The following FNBP1L variants were observed in gnomAD, a reference collection of about 807,000 sequenced individuals.
The protein encoded by FNBP1L is formin binding protein 1 like.
FNBP1L carries 36 observed loss-of-function variants against 91.2 expected under a neutral mutation model. That is an observed-to-expected ratio of 0.39 (90% CI 0.30 to 0.52). The LOEUF (loss-of-function observed/expected upper bound fraction) is 0.52, where lower values mean the gene tolerates loss of function less well. Among genes scored for constraint, FNBP1L ranks in the 20% least tolerant of loss-of-function variants. FNBP1L has a pLI of 0.66. For missense variants in FNBP1L, 571 were observed against 732.1 expected, an observed-to-expected ratio of 0.78 and a Z score of 2.54; for synonymous variants, 242 against 237.0, an observed-to-expected ratio of 1.02 and a Z score of -0.19.
In FNBP1L at chr1:93,523,344, G is replaced by A. The variant is rs372922817; in HGVS notation, c.195G>A (p.Arg65=). 2.5e-6 allele frequency: 4 copies of A among 1,598,678 alleles called. No individual in the cohort carries two copies. The highest frequency in any genetic ancestry group is 1.3e-5 in the African/African-American group (1 of 74,576). The change falls in exon 4 of 17, where the codon CGG becomes CGA. Residue 65 remains arginine (R), a splice_region_variant and synonymous_variant. Transcript: ENST00000271234. Reference sequence around the variant, plus strand: ...CACCATTTTGAAATGTTTTTGCCAGGTTTACCTCGTGTGTAGCCTTTTTTA... The same window carrying A: ...CACCATTTTGAAATGTTTTTGCCAGATTTACCTCGTGTGTAGCCTTTTTTA... ...PKRSSKDEEP[R]FTSCVAFFNI...
At chr1:93,502,616 A>T (rs1423123976) in intron 2 of FNBP1L, among the ~76,000 whole-genome samples, 2 of 152,220 alleles carry the variant, frequency 1.3e-5, no homozygotes, top group African/African-American at 4.8e-5. Flanking sequence ...GTTCATTGAA[A>T]CAAGGGTGGC....
At chr1:93,544,812 T>C (rs979028299) in intron 12 of FNBP1L, among the ~76,000 whole-genome samples, 5 of 152,152 alleles carry the variant, frequency 3.3e-5, no homozygotes, top group African/African-American at 9.6e-5. Context: ...GTTTTGATGC[T>C]AAGAATTAGT....
chr1:93,493,686 G>A (rs1243961298), intron 1 of FNBP1L, among the ~76,000 whole-genome samples: 2 of 152,098 alleles, frequency 1.3e-5, no homozygotes, highest in Non-Finnish European at 2.9e-5. Flanking sequence ...TTTGTAGCAT[G>A]TGCCAGAATT....
At chr1:93,520,549 G>A (rs1455736220) in intron 2 of FNBP1L, among the ~76,000 whole-genome samples, 1 of 152,092 alleles carries the variant, frequency 6.6e-6, no homozygotes, top group Non-Finnish European at 1.5e-5. Flanking sequence ...CCCAACTTCT[G>A]TACTTATCTC....
chr1:93,550,670 C>A (rs1672379030), intron 15 of FNBP1L, among the ~76,000 whole-genome samples: 1 of 152,188 alleles, frequency 6.6e-6, no homozygotes, highest in Non-Finnish European at 1.5e-5. Context: ...AATACCCTGT[C>A]AAATCATGTA....
rs201683253 is a variant in FNBP1L, at chr1:93,503,066, CT to C, written c.140+3493del. On this transcript the variant is annotated intron_variant, in intron 2 of 16. Coordinates refer to ENST00000271234, the MANE Select transcript of FNBP1L (RefSeq NM_001164473.3). ...TAATTTCTTTCATAGTGAGGCAGCA[CT>C]TTTTTTTTTCTCCTAAATAATATTA... Among the ~76,000 whole-genome samples, 41 of 149,786 alleles carry C rather than the reference CT, an allele frequency of 2.7e-4. 1 individual carries two copies. The highest frequency in any genetic ancestry group is 3.5e-3 in the Middle Eastern group (1 of 288).
At chr1:93,466,613 T>G (rs531958876) in intron 1 of FNBP1L, among the ~76,000 whole-genome samples, 1 of 152,340 alleles carries the variant, frequency 6.6e-6, no homozygotes, top group African/African-American at 2.4e-5. Flanking sequence ...AGCCTTGTAG[T>G]ATAATTTGAG....
chr1:93,509,736 G>A (rs1411618459), intron 2 of FNBP1L, among the ~76,000 whole-genome samples: 3 of 152,346 alleles, frequency 2.0e-5, no homozygotes, highest in East Asian at 1.9e-4. Context: ...GACAGTGGGC[G>A]CAGGTCAGTG....
chr1:93,533,454 G>C lies in FNBP1L; in HGVS notation c.786+386G>C, dbSNP rs140493988. Among the ~76,000 whole-genome samples the C allele has an allele frequency of 7.2e-4, 110 of 152,248 alleles. 3 individuals are homozygous for C. The East Asian group carries it at 0.019, about 27-fold the overall frequency. On this transcript the variant is annotated intron_variant, in intron 8 of 16. Coordinates refer to ENST00000271234, the MANE Select transcript of FNBP1L (RefSeq NM_001164473.3). ...GATCAAGAAATGTGGGTAGCATATGGAGTGATGACCAATGAGGAGGAGGAA... is the reference window on the plus strand; with the variant it reads ...GATCAAGAAATGTGGGTAGCATATGCAGTGATGACCAATGAGGAGGAGGAA...
Position 93,499,588 on chromosome 1 carries a change from G to C in FNBP1L, c.140+5G>C. 6.6e-7 allele frequency: 1 copy of C among 1,518,360 alleles called. No homozygotes were observed. The highest frequency in any genetic ancestry group is 8.9e-7 in the Non-Finnish European group (1 of 1,123,238). 94.1% of individuals were successfully genotyped at this position (1,518,360 alleles called of 1,614,324 possible). On this transcript the variant is annotated splice_donor_5th_base_variant and intron_variant, in intron 2 of 16. Coordinates refer to ENST00000271234, the MANE Select transcript of FNBP1L (RefSeq NM_001164473.3). ...GAACTATGCGAAACAATTGAGGTAA[G>C]TTAATTTTTTTTTCAGTTTTTAGAA... is the stretch of plus-strand genomic sequence containing the variant.
chr1:93,476,734 A>G (rs937882235), intron 1 of FNBP1L, among the ~76,000 whole-genome samples: 3 of 152,144 alleles, frequency 2.0e-5, no homozygotes, highest in Non-Finnish European at 2.9e-5. Context: ...AAGATGTAGC[A>G]TGTGCAAATA....
intron 7 of FNBP1L, 96 bp downstream of exon 7, chr1:93,530,979 C>G (rs998538654): frequency 2.8e-5 from 28 of 994,508 alleles, no homozygotes; most frequent in Non-Finnish European, 3.9e-5. Flanking sequence ...TCTAGATTCA[C>G]TAGACATCAG....
At chr1:93,543,979 AGGGGTTGCTTG>A in intron 11 of FNBP1L, 117 bp from the exon 12 acceptor site, 9 of 487,204 alleles carry the variant, frequency 1.8e-5, no homozygotes, top group Middle Eastern at 3.1e-4. Context: ...TTTTTTTTTA[AGGGGTTGCTTG>A]AGGCAAATTT....
intron 11 of FNBP1L, 120 bp from the exon 12 acceptor site, chr1:93,543,987 C>T: frequency 1.9e-6 from 1 of 528,920 alleles, no homozygotes; most frequent in Non-Finnish European, 2.9e-6. Flanking sequence ...TAAGGGGTTG[C>T]TTGAGGCAAA....
chr1:93,541,584 G>T (rs550301350), intron 11 of FNBP1L, among the ~76,000 whole-genome samples: 1 of 151,736 alleles, frequency 6.6e-6, no homozygotes, highest in Non-Finnish European at 1.5e-5. Flanking sequence ...GTGTTTGTGT[G>T]GGGGGTGGGG....
At chr1:93,494,959 A>G (rs1205855324) in intron 1 of FNBP1L, among the ~76,000 whole-genome samples, 1 of 152,192 alleles carries the variant, frequency 6.6e-6, no homozygotes, top group East Asian at 1.9e-4. Flanking sequence ...AGCAAGGGAA[A>G]AACCTGCCCC....
intron 1 of FNBP1L, among the ~76,000 whole-genome samples, chr1:93,477,907 G>T (rs1033330391): frequency 6.6e-6 from 1 of 152,138 alleles, no homozygotes; most frequent in Non-Finnish European, 1.5e-5. Context: ...TTCTTTAACA[G>T]TCCTCTTACT....
intron 1 of FNBP1L, among the ~76,000 whole-genome samples, chr1:93,471,537 C>A (rs1394552364): frequency 6.6e-6 from 1 of 151,994 alleles, no homozygotes; most frequent in Non-Finnish European, 1.5e-5. Context: ...ACAAAAAATA[C>A]AAAAATTAGC....
At chr1:93,523,280 T>C in intron 3 of FNBP1L, 64 bp from the exon 4 acceptor site, 2 of 1,510,900 alleles carry the variant, frequency 1.3e-6, no homozygotes, top group Non-Finnish European at 1.8e-6. Context: ...ATTCAGTCCA[T>C]ACCTCACCAA....
Sources: gnomAD v4.1 joint callset for allele counts (sites outside exome capture counted in the v4.1 genomes callset) on GRCh38, gnomAD v4.1.1 for gene constraint, MANE v1.5 for transcripts, NCBI Gene and HGNC (gene_info 2026-07-23, HGNC 2026-07-21) for gene names.